PCGF5: variants seen among roughly 807,000 people sequenced by gnomAD.
PCGF5 encodes polycomb group RING finger protein 5.
PCGF5 carries 9 observed loss-of-function variants against 44.3 expected under a neutral mutation model. The ratio of observed to expected loss-of-function variants is 0.20; its 90% CI spans 0.12 to 0.35. PCGF5 has a LOEUF of 0.35. Among genes scored for constraint, PCGF5 ranks in the 10% least tolerant of loss-of-function variants. The pLI, the probability that PCGF5 is intolerant of heterozygous loss-of-function variation, is 1.00. For synonymous variants in PCGF5, 95 were observed against 102.5 expected, an observed-to-expected ratio of 0.93 and a Z score of 0.44; for missense variants, 146 against 305.3, an observed-to-expected ratio of 0.48 and a Z score of 3.89.
At chr10:91,271,577 A>C in intron 8 of PCGF5, 61 bp from the exon 9 acceptor site, 1 of 1,314,936 alleles carries the variant, frequency 7.6e-7, no homozygotes, top group East Asian at 2.3e-5. Flanking sequence ...TTAAATAATC[A>C]ATTTTAAATA....
At chr10:91,168,929 GAAAAAAAAAAAA>G (rs57345364) in intron 1 of PCGF5, among the ~76,000 whole-genome samples, 21 of 56,204 alleles carry the variant, frequency 3.7e-4, no homozygotes, top group South Asian at 2.8e-3. Context: ...CTCCGTCTCA[GAAAAAAAAAAAA>G]AAAAAAAAAA....
intron 2 of PCGF5, 21 bp from the exon 3 acceptor site, chr10:91,240,463 T>A (rs756425803): frequency 1.3e-6 from 2 of 1,548,904 alleles, no homozygotes; most frequent in Middle Eastern, 1.8e-4. Context: ...CGTTTTAACC[T>A]AACATCTTCT....
chr10:91,193,554 G>T (rs1377428301), intron 1 of PCGF5, among the ~76,000 whole-genome samples: 4 of 151,914 alleles, frequency 2.6e-5, no homozygotes, highest in African/African-American at 9.7e-5. Context: ...GTGGCGAGGG[G>T]TAGTTGGAGG....
At position 91,185,211 on chromosome 10, in the gene PCGF5, G is replaced by A. The variant is rs541067775; in HGVS notation, c.-184+22130G>A. ...TCTGTCAGCCAGAAAACACCAGTGG[G>A]GTGGCTGGAGGCCTGGGTTGGGAGG... is the stretch of plus-strand genomic sequence containing the variant. On this transcript the variant is annotated intron_variant, in intron 1 of 9. Coordinates refer to the PCGF5 transcript ENST00000614189. 6.6e-4 allele frequency among the ~76,000 whole-genome samples: 101 copies of A among 152,264 alleles called. 1 individual carries two copies. Among genetic ancestry groups the A allele is most frequent in the South Asian group, 2.3e-3 (11 of 4,824 alleles).
chr10:91,178,411 A>G (rs10881896), intron 1 of PCGF5, among the ~76,000 whole-genome samples: 46,018 of 147,970 alleles, frequency 0.31, 8,870 homozygotes, highest in Non-Finnish European at 0.42. Flanking sequence ...TTTTTTTGAG[A>G]TAGGGTCTTG....
At chr10:91,247,455 CAG>C (rs757872235) in intron 3 of PCGF5, among the ~76,000 whole-genome samples, 3 of 151,692 alleles carry the variant, frequency 2.0e-5, no homozygotes, top group Non-Finnish European at 4.4e-5. Flanking sequence ...GATTGAGAAA[CAG>C]AATAATAGTT....
In PCGF5 at chr10:91,220,663, G is replaced by C. The variant is rs898740200; in HGVS notation, c.-357G>C. The C allele has an allele frequency of 6.6e-6, 1 of 151,536 alleles. No individual in the cohort carries two copies. The highest frequency in any genetic ancestry group is 1.5e-5 in the Non-Finnish European group (1 of 67,776). 9.4% of individuals were successfully genotyped at this position (151,536 alleles called of 1,614,324 possible). A position where few individuals can be genotyped will look rare whatever the true frequency, so the allele number is the denominator to read the frequency against. On this transcript the variant is annotated 5_prime_UTR_variant, in exon 1 of 10. Coordinates refer to ENST00000336126, the MANE Select transcript of PCGF5 (RefSeq NM_032373.5). ...TGGGCCCCGAGGCCCGCCGCGCCCT[G>C]TCGGGCCTGAGCCGAGTGGCCCCAC...
upstream of PCGF5, among the ~76,000 whole-genome samples, chr10:91,219,930 A>G (rs1401000117): frequency 6.6e-6 from 1 of 152,020 alleles, no homozygotes; most frequent in Non-Finnish European, 1.5e-5. Flanking sequence ...AAAAGCAAAT[A>G]TTTTGCATTG....
At position 91,241,743 on chromosome 10, in the gene PCGF5, T is replaced by C. The variant is rs192864449; in HGVS notation, c.209+1163T>C. ...TCTGGAACCTTTCATAACTCTCTTA[T>C]CTGTGTGATATTTGCCATCATTCTA... On this transcript the variant is annotated intron_variant, in intron 3 of 9. Coordinates refer to ENST00000336126, the MANE Select transcript of PCGF5 (RefSeq NM_032373.5). Among the ~76,000 whole-genome samples, 850 of 152,298 alleles carry C rather than the reference T, an allele frequency of 5.6e-3. 1 individual carries two copies. The highest frequency in any genetic ancestry group is 0.011 in the Admixed American group (163 of 15,292).
At chr10:91,223,028 A>G in intron 2 of PCGF5, 45 bp downstream of exon 2, 1 of 1,271,832 alleles carries the variant, frequency 7.9e-7, no homozygotes, top group Non-Finnish European at 1.1e-6. Flanking sequence ...GTTTATATGT[A>G]CATTTTGTTC....
chr10:91,253,295 T>C (rs1845666033), intron 6 of PCGF5, among the ~76,000 whole-genome samples: 1 of 151,968 alleles, frequency 6.6e-6, no homozygotes, highest in South Asian at 2.1e-4. Context: ...ATAGGCATAA[T>C]AGTCAATAGG....
At chr10:91,239,997 T>G (rs1845280207) in intron 2 of PCGF5, among the ~76,000 whole-genome samples, 1 of 152,166 alleles carries the variant, frequency 6.6e-6, no homozygotes, top group Admixed American at 6.5e-5. Context: ...GCCAGCAAAG[T>G]CCATTGTGAC....
chr10:91,175,117 T>A (rs114746026), intron 1 of PCGF5, among the ~76,000 whole-genome samples: 3 of 152,158 alleles, frequency 2.0e-5, no homozygotes, highest in African/African-American at 7.2e-5. Context: ...AAATGAGGGA[T>A]AGGTGGAAAA....
Position 91,278,418 on chromosome 10 carries a change from A to G in PCGF5, c.*102A>G. The G allele has an allele frequency of 9.7e-7, 1 of 1,030,818 alleles. No individual in the cohort carries two copies. The highest frequency in any genetic ancestry group is 1.3e-5 in the South Asian group (1 of 74,962). The allele number at this position is 1,030,818 out of a possible 1,614,324, so 63.9% of individuals were successfully genotyped here. A position where few individuals can be genotyped will look rare whatever the true frequency, so the allele number is the denominator to read the frequency against. ...GTGTGGACTAGAGGAACACAACCAG[A>G]TTTTCAGCATGCAAATAAGGCCATT... On this transcript the variant is annotated 3_prime_UTR_variant, in exon 10 of 10. Coordinates refer to ENST00000336126, the MANE Select transcript of PCGF5 (RefSeq NM_032373.5).
upstream of PCGF5, among the ~76,000 whole-genome samples, chr10:91,217,746 C>T (rs558854677): frequency 6.6e-6 from 1 of 152,284 alleles, no homozygotes; most frequent in Non-Finnish European, 1.5e-5. Context: ...TCCATTCTTC[C>T]CTTTCTTTCT....
At chr10:91,170,553 C>G (rs868129084) in intron 1 of PCGF5, among the ~76,000 whole-genome samples, 28 of 152,248 alleles carry the variant, frequency 1.8e-4, no homozygotes, top group Middle Eastern at 6.8e-3. Context: ...ATCAAAACAA[C>G]CATGATATAC....
At chr10:91,268,915 T>C (rs1377489299) in intron 8 of PCGF5, among the ~76,000 whole-genome samples, 1 of 152,146 alleles carries the variant, frequency 6.6e-6, no homozygotes, top group Non-Finnish European at 1.5e-5. Flanking sequence ...GCTCGTAAAA[T>C]TTTTTCAGTT....
chr10:91,203,086 G>A (rs1222585159), intron 1 of PCGF5, among the ~76,000 whole-genome samples: 1 of 152,190 alleles, frequency 6.6e-6, no homozygotes, highest in Non-Finnish European at 1.5e-5. Context: ...CAGGGGAAGT[G>A]TTCAGCCACA....
chr10:91,191,616 C>T (rs547039515), intron 1 of PCGF5, among the ~76,000 whole-genome samples: 17 of 152,218 alleles, frequency 1.1e-4, no homozygotes, highest in African/African-American at 3.6e-4. Flanking sequence ...ACCCCATAAG[C>T]TTTTTGGTTT....
Sources: gnomAD v4.1 joint callset for allele counts (sites outside exome capture counted in the v4.1 genomes callset) on GRCh38, gnomAD v4.1.1 for gene constraint, MANE v1.5 for transcripts, NCBI Gene and HGNC (gene_info 2026-07-23, HGNC 2026-07-21) for gene names.